The following COIL variants were observed in gnomAD, a reference collection of about 807,000 sequenced individuals.
COIL encodes the protein coilin, also known as coilin p80.
In COIL, 28 loss-of-function variants were observed where a neutral mutation model predicts 51.6. The ratio of observed to expected loss-of-function variants is 0.54; its 90% CI spans 0.40 to 0.74. The LOEUF is 0.74. Ranked by LOEUF, COIL falls within the 30% of genes least tolerant of loss-of-function variation. The pLI is 0.00. For synonymous variants in COIL, 233 were observed against 255.8 expected, an observed-to-expected ratio of 0.91 and a Z score of 0.85; for missense variants, 667 against 685.9, an observed-to-expected ratio of 0.97 and a Z score of 0.31.
Position 56,950,475 on chromosome 17 carries a change from G to A in COIL, c.767C>T (p.Ser256Phe). Residue 256 changes from serine (S) to phenylalanine (F), a missense_variant, in exon 2 of 7, where the codon TCT becomes TTT. By Grantham distance (155) the Ser-to-Phe change is radical. Coordinates refer to ENST00000240316, the MANE Select transcript of COIL (RefSeq NM_004645.3). ...SSSESESCDESISDGPSKVTL... is the reference protein window; with the variant it reads ...SSSESESCDEFISDGPSKVTL... Reference sequence around the variant, plus strand: ...GACTTTGCTGGGACCATCACTGATAGATTCATCACAAGATTCAGACTCCGA... The same window carrying A: ...GACTTTGCTGGGACCATCACTGATAAATTCATCACAAGATTCAGACTCCGA... The A allele has an allele frequency of 6.2e-7, 1 of 1,614,188 alleles. No homozygotes were observed.
At chr17:56,960,385 G>C (rs1272264146) in intron 1 of COIL, among the ~76,000 whole-genome samples, 1 of 141,406 alleles carries the variant, frequency 7.1e-6, no homozygotes, top group Admixed American at 7.0e-5. Context: ...TTAGCCGGGC[G>C]TGGTGGCGGA....
chr17:56,952,415 C>A (rs1910391216), intron 1 of COIL: 1 of 378,020 alleles, frequency 2.6e-6, no homozygotes, highest in Non-Finnish European at 5.1e-6. Flanking sequence ...CGATGTAATA[C>A]GTATTTACAA....
chr17:56,954,567 T>TAA (rs576557234), intron 1 of COIL, among the ~76,000 whole-genome samples: 4 of 140,894 alleles, frequency 2.8e-5, no homozygotes, highest in Non-Finnish European at 6.2e-5. Flanking sequence ...CTCCAAAAAA[T>TAA]AAAAAAAAAA....
chr17:56,958,535 G>A (rs1910522985), intron 1 of COIL, among the ~76,000 whole-genome samples: 2 of 152,188 alleles, frequency 1.3e-5, no homozygotes, highest in South Asian at 4.1e-4. Context: ...GGAAAGATTT[G>A]CCTGTCATCG....
At chr17:56,943,614 A>C (rs558190051) in intron 5 of COIL, among the ~76,000 whole-genome samples, 21 of 152,346 alleles carry the variant, frequency 1.4e-4, no homozygotes, top group African/African-American at 4.8e-4. Flanking sequence ...ATGCACAGTG[A>C]CCAGTCACTG....
intron 5 of COIL, among the ~76,000 whole-genome samples, chr17:56,945,205 G>A (rs1012351805): frequency 1.3e-5 from 2 of 151,958 alleles, no homozygotes; most frequent in Middle Eastern, 3.2e-3. Context: ...GGACATGGTG[G>A]TGTGTGCCTG....
At chr17:56,958,756 G>T (rs1910526679) in intron 1 of COIL, among the ~76,000 whole-genome samples, 1 of 152,136 alleles carries the variant, frequency 6.6e-6, no homozygotes, top group South Asian at 2.1e-4. Context: ...TCCTTGAATT[G>T]CAGAGAGAAT....
chr17:56,958,991 G>A (rs1910531133), intron 1 of COIL, among the ~76,000 whole-genome samples: 2 of 152,210 alleles, frequency 1.3e-5, no homozygotes, highest in East Asian at 1.9e-4. Flanking sequence ...AGGGCAGCAA[G>A]AGAAAATAGC....
chr17:56,947,453 A>G (rs1446616043), intron 4 of COIL, among the ~76,000 whole-genome samples: 6 of 152,134 alleles, frequency 3.9e-5, no homozygotes, highest in South Asian at 2.1e-4. Flanking sequence ...AACATTAATA[A>G]CTATGACAAC....
chr17:56,960,788 T>A lies in COIL; in HGVS notation c.232A>T (p.Asn78Tyr). The change falls in exon 1 of 7, where the codon AAC becomes TAC. Residue 78 changes from asparagine (N) to tyrosine (Y), a missense_variant. Physicochemically the swap from Asn to Tyr is moderately radical, Grantham distance 143. Coordinates refer to ENST00000240316, the MANE Select transcript of COIL (RefSeq NM_004645.3). ...PAESARLVRD[N>Y]DCLRVKLEER... ...TGCGCCGCGCACCTGAGGCAGTCGT[T>A]GTCTCTCACAAGGCGCGCGCTCTCG... 6.3e-7 allele frequency: 1 copy of A among 1,582,010 alleles called. No individual in the cohort carries two copies.
intron 5 of COIL, among the ~76,000 whole-genome samples, chr17:56,943,974 T>A (rs1027298300): frequency 5.3e-5 from 8 of 151,686 alleles, no homozygotes; most frequent in African/African-American, 1.9e-4. Flanking sequence ...CAAGTGATCC[T>A]CCCACCTCAG....
chr17:56,939,782 G>C (rs1480951278), intron 6 of COIL: 1 of 152,082 alleles, frequency 6.6e-6, no homozygotes, highest in Non-Finnish European at 1.5e-5. Flanking sequence ...CATTTACTTA[G>C]AATGAAGCTA....
intron 5 of COIL, among the ~76,000 whole-genome samples, chr17:56,943,006 T>C (rs1408479230): frequency 6.6e-6 from 1 of 152,210 alleles, no homozygotes; most frequent in African/African-American, 2.4e-5. Flanking sequence ...ATATTGTACT[T>C]ATGAGTACAC....
At position 56,960,725 on chromosome 17, in the gene COIL, C is replaced by T. The variant is rs1205758690; in HGVS notation, c.245+50G>A. The T allele has an allele frequency of 7.8e-6, 11 of 1,416,736 alleles. No homozygotes were observed. The Admixed American group carries it at 1.1e-4, about 14-fold the overall frequency. The allele number at this position is 1,416,736 out of a possible 1,614,324, so 87.8% of individuals were successfully genotyped here. On this transcript the variant is annotated intron_variant, in intron 1 of 6. Transcript: ENST00000240316. ...CTTCAGGCCCGGGCGTGCGCAGGCGCGTCCCCCGCCCGCCGCCCACCCGGC... is the reference window on the plus strand; with the variant it reads ...CTTCAGGCCCGGGCGTGCGCAGGCGTGTCCCCCGCCCGCCGCCCACCCGGC...
Position 56,949,388 on chromosome 17 carries a change from T to A in COIL, c.1487A>T (p.Lys496Met). ...TTACTTTTAAATAAACATCCTTACC[T>A]TGTAGTCAGAGACATCAGGAGAGTA... The part of the protein sequence containing the change: ...SSYSPDVSDY[K>M]EGRILSHNPE... Residue 496 changes from lysine (K) to methionine (M), a missense_variant and splice_region_variant, in exon 4 of 7, where the codon AAG (lysine) becomes ATG (methionine). Coordinates refer to ENST00000240316, the MANE Select transcript of COIL (RefSeq NM_004645.3). 1 of 1,590,318 alleles carries A rather than the reference T, an allele frequency of 6.3e-7. No homozygotes were observed. The highest frequency in any genetic ancestry group is 1.4e-5 in the African/African-American group (1 of 73,178).
chr17:56,956,529 CA>C (rs1910487182), intron 1 of COIL, among the ~76,000 whole-genome samples: 1 of 151,856 alleles, frequency 6.6e-6, no homozygotes, highest in Non-Finnish European at 1.5e-5. Context: ...GTGTTGGTAT[CA>C]CAGGCATAAG....
At chr17:56,953,143 G>A (rs1271821298) in intron 1 of COIL, among the ~76,000 whole-genome samples, 2 of 152,010 alleles carry the variant, frequency 1.3e-5, no homozygotes, top group African/African-American at 4.8e-5. Context: ...TGGGCACGGT[G>A]GCTCACGCCT....
intron 6 of COIL, 31 bp from the exon 7 acceptor site, chr17:56,939,185 G>A (rs773391387): frequency 8.1e-7 from 1 of 1,238,250 alleles, no homozygotes; most frequent in South Asian, 1.2e-5. Context: ...CCCAGTTTAG[G>A]CACTTCATTT....
chr17:56,946,221 CT>C (rs1910247010), intron 5 of COIL, among the ~76,000 whole-genome samples: 1 of 152,138 alleles, frequency 6.6e-6, no homozygotes, highest in South Asian at 2.1e-4. Flanking sequence ...TTCATATAAT[CT>C]TTTATGAAAT....
Sources: allele counts gnomAD v4.1 joint callset (sites outside exome capture counted in the v4.1 genomes callset), GRCh38; gene constraint gnomAD v4.1.1; transcripts MANE v1.5; gene names NCBI Gene and HGNC (gene_info 2026-07-23, HGNC 2026-07-21).